Variants in BAZ2B observed in about 807,000 individuals in gnomAD.
The protein encoded by BAZ2B is bromodomain adjacent to zinc finger domain 2B, also known as bromodomain adjacent to zinc finger domain protein 2B.
In BAZ2B, 91 loss-of-function variants were observed where a neutral mutation model predicts 246.0. The ratio of observed to expected loss-of-function variants is 0.37; its 90% CI spans 0.31 to 0.44. The LOEUF is 0.44. Ranked by LOEUF, BAZ2B falls within the 20% of genes least tolerant of loss-of-function variation. BAZ2B has a pLI of 1.00. For missense variants in BAZ2B, 2,332 were observed against 2,533.7 expected, an observed-to-expected ratio of 0.92 and a Z score of 1.71; for synonymous variants, 855 against 860.0, an observed-to-expected ratio of 0.99 and a Z score of 0.10.
chr2:159,546,019 T>G (rs1459361813), intron 2 of BAZ2B, among the ~76,000 whole-genome samples: 1 of 152,210 alleles, frequency 6.6e-6, no homozygotes, highest in Non-Finnish European at 1.5e-5. Context: ...ACATTTCAAG[T>G]TAGTATCATA....
upstream of BAZ2B, among the ~76,000 whole-genome samples, chr2:159,620,647 G>A (rs950246339): frequency 2.6e-5 from 4 of 152,094 alleles, no homozygotes; most frequent in African/African-American, 9.7e-5. Flanking sequence ...CTAAGTGAAA[G>A]AAACAACAAG....
At chr2:159,421,288 C>T (rs1002861383) in intron 13 of BAZ2B, among the ~76,000 whole-genome samples, 5 of 151,922 alleles carry the variant, frequency 3.3e-5, no homozygotes, top group African/African-American at 1.2e-4. Flanking sequence ...AGTCCTTCCA[C>T]CTCAGCCTCC....
At chr2:159,515,450 A>T (rs919772559) in intron 2 of BAZ2B, among the ~76,000 whole-genome samples, 83 of 152,256 alleles carry the variant, frequency 5.5e-4, no homozygotes, top group African/African-American at 2.0e-3. Flanking sequence ...GTTCCAAATT[A>T]AAAAGCCAAT....
intron 2 of BAZ2B, among the ~76,000 whole-genome samples, chr2:159,526,903 G>A (rs145168584): frequency 1.6e-3 from 235 of 151,610 alleles, no homozygotes; most frequent in African/African-American, 5.5e-3. Context: ...ATGCTGGAGT[G>A]CAGTGGAATC....
At chr2:159,710,444 G>A in the BAZ2B span, among the ~76,000 whole-genome samples, 3 of 152,030 alleles carry the variant, frequency 2.0e-5, no homozygotes, top group Admixed American at 6.6e-5. Flanking sequence ...TCCTGACCTC[G>A]TGATCCACCC....
intron 25 of BAZ2B, among the ~76,000 whole-genome samples, chr2:159,377,816 A>G (rs1288570216): frequency 6.7e-6 from 1 of 149,616 alleles, no homozygotes; most frequent in Admixed American, 6.7e-5. Context: ...TGTCTCCAAA[A>G]AAAAAAAAAA....
At position 159,446,786 on chromosome 2, in the gene BAZ2B, T is replaced by A; in HGVS notation, c.692A>T (p.Asp231Val). 6.2e-7 allele frequency: 1 copy of A among 1,605,022 alleles called. No individual in the cohort carries two copies. The highest frequency in any genetic ancestry group is 8.5e-7 in the Non-Finnish European group (1 of 1,175,708). Residue 231 changes from aspartate (D) to valine (V), a missense_variant, in exon 6 of 37, where the codon GAT (aspartate) becomes GTT (valine). Around this residue, in one of 9 missense-constraint regions of BAZ2B, gnomAD observed 161 missense variants for 225.8 expected, o/e 0.71. Transcript: ENST00000392783. ...GTCCTTCCAAGTACAACTTACCTTA[T>A]CTTTGATTTTGTCAACTCTAGCATC... ...PLDARVDKIK[D>V]KKPRKKAMES...
intron 3 of BAZ2B, chr2:159,462,715 G>T: frequency 7.1e-7 from 1 of 1,403,242 alleles, no homozygotes; most frequent in Non-Finnish European, 1.0e-6. Flanking sequence ...GTGGTGTGAT[G>T]GTAAACTTCC....
At position 159,332,830 on chromosome 2, in the gene BAZ2B, T is replaced by C. The variant is rs559065547; in HGVS notation, c.5797-144A>G. The stretch of plus-strand genomic sequence containing the variant: ...AATATACAGTAGCCATACACATCTA[T>C]GTATCTTTCGTTACACAGATATGGA... On this transcript the variant is annotated intron_variant, in intron 33 of 36. Transcript: ENST00000392783. The C allele has an allele frequency of 1.6e-5, 15 of 944,898 alleles. No individual in the cohort carries two copies. In the Admixed American group the frequency reaches 2.1e-4, roughly 13 times the overall value. 58.5% of individuals were successfully genotyped at this position (944,898 alleles called of 1,614,324 possible).
chr2:159,640,838 C>A, the BAZ2B span, among the ~76,000 whole-genome samples: 2 of 146,816 alleles, frequency 1.4e-5, no homozygotes, highest in African/African-American at 5.0e-5. Context: ...AAAAAAAAAA[C>A]TAGAAAAGCA....
chr2:159,462,690 C>T (rs2076558861), intron 3 of BAZ2B: 1 of 1,337,622 alleles, frequency 7.5e-7, no homozygotes, highest in South Asian at 1.2e-5. Context: ...AGCACTCCAA[C>T]CACCTGGGCT....
intron 20 of BAZ2B, among the ~76,000 whole-genome samples, chr2:159,389,753 AC>A (rs2063105293): frequency 6.6e-6 from 1 of 152,204 alleles, no homozygotes; most frequent in Non-Finnish European, 1.5e-5. Context: ...AACATGGGCA[AC>A]TACATATCTT....
chr2:159,360,155 G>T (rs1204054098), intron 27 of BAZ2B, among the ~76,000 whole-genome samples: 1 of 152,198 alleles, frequency 6.6e-6, no homozygotes, highest in Non-Finnish European at 1.5e-5. Context: ...AGGAAGAGAG[G>T]AAGTCAAATT....
chr2:159,330,675 T>C (rs34925082), intron 34 of BAZ2B, among the ~76,000 whole-genome samples: 41,789 of 150,104 alleles, frequency 0.28, 6,569 homozygotes, highest in East Asian at 0.61. Context: ...CCTGGGCACA[T>C]AGCGAGAACC....
chr2:159,465,375 T>C (rs1173283031), intron 3 of BAZ2B, among the ~76,000 whole-genome samples: 2 of 152,154 alleles, frequency 1.3e-5, no homozygotes, highest in African/African-American at 2.4e-5. Flanking sequence ...CATTCTGAAG[T>C]ATTAAGGGGT....
intron 34 of BAZ2B, among the ~76,000 whole-genome samples, chr2:159,329,206 A>G (rs2064271656): frequency 6.6e-6 from 1 of 152,100 alleles, no homozygotes; most frequent in Non-Finnish European, 1.5e-5. Flanking sequence ...ACAATTAAAA[A>G]ATAATAAATA....
intron 13 of BAZ2B, among the ~76,000 whole-genome samples, chr2:159,422,312 G>A (rs966311354): frequency 1.2e-4 from 19 of 152,236 alleles, no homozygotes; most frequent in African/African-American, 4.1e-4. Flanking sequence ...GAACAAAGCT[G>A]GAGGCATCAC....
chr2:159,616,567 TTC>T (rs751233499), upstream of BAZ2B: 4 of 152,064 alleles, frequency 2.6e-5, no homozygotes, highest in Non-Finnish European at 5.9e-5. Context: ...CCAACAAGGC[TTC>T]TCTCTCTCTC....
intron 1 of BAZ2B, among the ~76,000 whole-genome samples, chr2:159,600,229 T>C (rs1409710504): frequency 6.6e-6 from 1 of 152,144 alleles, no homozygotes; most frequent in Non-Finnish European, 1.5e-5. Flanking sequence ...AAATAAGCCA[T>C]ACCTCATGAG....
Sources: allele counts gnomAD v4.1 joint callset (sites outside exome capture counted in the v4.1 genomes callset), GRCh38; gene constraint gnomAD v4.1.1; regional missense constraint gnomAD v4.1.1; transcripts MANE v1.5; gene names NCBI Gene and HGNC (gene_info 2026-07-23, HGNC 2026-07-21).